Variants in ADAMTS19 observed in about 807,000 individuals in gnomAD.
ADAMTS19 encodes the protein A disintegrin and metalloproteinase with thrombospondin motifs 19.
ADAMTS19 carries 93 observed loss-of-function variants against 153.3 expected under a neutral mutation model. The ratio of observed to expected loss-of-function variants is 0.61; its 90% CI spans 0.51 to 0.72. ADAMTS19 has a LOEUF of 0.72. Ranked by LOEUF, ADAMTS19 falls within the 30% of genes least tolerant of loss-of-function variation. The pLI is 0.00. For synonymous variants in ADAMTS19, 600 were observed against 556.6 expected, an observed-to-expected ratio of 1.08 and a Z score of -1.10; for missense variants, 1,482 against 1,552.1, an observed-to-expected ratio of 0.95 and a Z score of 0.76.
At chr5:129,547,491 A>T (rs920028304) in intron 6 of ADAMTS19, among the ~76,000 whole-genome samples, 1 of 150,682 alleles carries the variant, frequency 6.6e-6, no homozygotes, top group African/African-American at 2.5e-5. Context: ...AGTAAAAGGA[A>T]TCATACATCA....
At chr5:129,543,131 C>G (rs1228856826) in intron 6 of ADAMTS19, among the ~76,000 whole-genome samples, 5 of 151,166 alleles carry the variant, frequency 3.3e-5, no homozygotes, top group Admixed American at 3.3e-4. Context: ...CTCACCACAA[C>G]CTCCGCCTCC....
intron 11 of ADAMTS19, among the ~76,000 whole-genome samples, chr5:129,644,002 A>G (rs1752943545): frequency 7.4e-6 from 1 of 134,456 alleles, no homozygotes; most frequent in Admixed American, 7.5e-5. Context: ...TAGCAATATA[A>G]AAATATCTTT....
chr5:129,550,001 GATATAC>G (rs1753024269), intron 6 of ADAMTS19, among the ~76,000 whole-genome samples: 2 of 123,162 alleles, frequency 1.6e-5, no homozygotes, highest in Non-Finnish European at 3.5e-5. Context: ...TATGTATCTA[GATATAC>G]ATATACATGT....
At chr5:129,593,438 A>G (rs1750237280) in intron 7 of ADAMTS19, among the ~76,000 whole-genome samples, 1 of 152,194 alleles carries the variant, frequency 6.6e-6, no homozygotes, top group Non-Finnish European at 1.5e-5. Context: ...ATGTCTCAGA[A>G]CTTTCTCTCT....
Position 129,735,019 on chromosome 5 carries a change from T to A in ADAMTS19, c.3400T>A (p.Ser1134Thr). 1.2e-6 allele frequency: 2 copies of A among 1,612,314 alleles called. No homozygotes were observed. The highest frequency in any genetic ancestry group is 8.5e-7 in the Non-Finnish European group (1 of 1,178,974). Residue 1134 changes from serine (S) to threonine (T), a missense_variant, in exon 22 of 23, where the codon TCC (serine) becomes ACC (threonine). Transcript: ENST00000274487. Reference protein sequence around the residue: ...ITGRHGNECFSSEKPAAYRPC... With the variant: ...ITGRHGNECFTSEKPAAYRPC... ...AGGAAGACATGGAAATGAATGTTTT[T>A]CCTCAGAAAAACCTGCAGCATACAG...
intron 10 of ADAMTS19, among the ~76,000 whole-genome samples, chr5:129,632,014 T>C (rs558172036): frequency 6.4e-4 from 98 of 152,170 alleles, no homozygotes; most frequent in African/African-American, 2.3e-3. Flanking sequence ...AGAGGCCTGA[T>C]CTGGGTCTAG....
Position 129,526,272 on chromosome 5 carries a change from T to A in ADAMTS19, c.914-12T>A. The A allele has an allele frequency of 6.5e-7, 1 of 1,545,712 alleles. No homozygotes were observed. The highest frequency in any genetic ancestry group is 1.4e-5 in the African/African-American group (1 of 70,614). On this transcript the variant is annotated splice_polypyrimidine_tract_variant and intron_variant, in intron 3 of 22. Transcript: ENST00000274487. ...ATGAAGGTGCATTGAAAAATTCAAT[T>A]CTCTGTTGCAGATAAAGGAAGACCT...
chr5:129,660,661 T>C (rs1753780615), intron 15 of ADAMTS19, among the ~76,000 whole-genome samples: 1 of 152,140 alleles, frequency 6.6e-6, no homozygotes, highest in Non-Finnish European at 1.5e-5. Flanking sequence ...TTCAAATCCC[T>C]TTTTTATTCC....
At chr5:129,666,723 T>C (rs1354175230) in intron 16 of ADAMTS19, among the ~76,000 whole-genome samples, 2 of 152,186 alleles carry the variant, frequency 1.3e-5, no homozygotes, top group Non-Finnish European at 2.9e-5. Flanking sequence ...ATGGTACAAA[T>C]AGATCATACA....
intron 11 of ADAMTS19, among the ~76,000 whole-genome samples, 170 bp from the exon 12 acceptor site, chr5:129,647,595 T>C (rs1581183228): frequency 6.6e-6 from 1 of 152,204 alleles, no homozygotes; most frequent in Non-Finnish European, 1.5e-5. Flanking sequence ...TGGGCAATTA[T>C]ATTACTATGA....
At chr5:129,533,584 C>A (rs1487098896) in intron 6 of ADAMTS19, among the ~76,000 whole-genome samples, 2 of 152,086 alleles carry the variant, frequency 1.3e-5, no homozygotes, top group Non-Finnish European at 2.9e-5. Context: ...TTTTTTGAGT[C>A]TCTATTTCCT....
chr5:129,610,093 TTA>T (rs10618467), intron 8 of ADAMTS19, among the ~76,000 whole-genome samples: 12,789 of 150,098 alleles, frequency 0.085, 1,783 homozygotes, highest in African/African-American at 0.29. Context: ...GGTAGTGGTA[TTA>T]TATATATATA....
At chr5:129,601,306 T>G (rs1750638659) in intron 8 of ADAMTS19, among the ~76,000 whole-genome samples, 1 of 152,218 alleles carries the variant, frequency 6.6e-6, no homozygotes, top group South Asian at 2.1e-4. Context: ...AACTTTATTT[T>G]TGTGAATGAA....
In ADAMTS19 at chr5:129,637,235, T is replaced by C. The variant is rs183718821; in HGVS notation, c.1771-4624T>C. Among the ~76,000 whole-genome samples, 45 of 152,326 alleles carry C rather than the reference T, an allele frequency of 3.0e-4. 1 individual carries two copies. The East Asian group carries it at 7.3e-3, about 25-fold the overall frequency. ...CTAAGATTTTTAAGTGAATGTTAAA[T>C]TGCATCACATATTTTGTATCCACAG... On this transcript the variant is annotated intron_variant, in intron 10 of 22. Transcript: ENST00000274487.
Position 129,461,753 on chromosome 5 carries a change from G to T in ADAMTS19, c.743G>T (p.Gly248Val). Reference sequence around the variant, plus strand: ...GCTTCTTTCAGCACCTGTGGAGGTGGCCTGGTAAGCGCCTTCTTTCCCTAG... The same window carrying T: ...GCTTCTTTCAGCACCTGTGGAGGTGTCCTGGTAAGCGCCTTCTTTCCCTAG... The part of the protein sequence containing the change: ...SLASFSTCGG[G>V]LMGFIQLNED... Residue 248 changes from glycine to valine, a missense_variant, in exon 2 of 23, where the codon GGC becomes GTC. Coordinates refer to ENST00000274487, the MANE Select transcript of ADAMTS19 (RefSeq NM_133638.6). This position sits in a 1 kb window ranked among gnomAD's most constrained non-coding sequence, Gnocchi z 4.6. 6.7e-7 allele frequency: 1 copy of T among 1,490,484 alleles called. No homozygotes were observed. Among genetic ancestry groups the T allele is most frequent in the Non-Finnish European group, 8.9e-7 (1 of 1,127,476 alleles). 92.3% of individuals were successfully genotyped at this position (1,490,484 alleles called of 1,614,324 possible). A position where few individuals can be genotyped will look rare whatever the true frequency, so the allele number is the denominator to read the frequency against.
chr5:129,717,674 A>G (rs1394662493), intron 21 of ADAMTS19, among the ~76,000 whole-genome samples: 2 of 152,232 alleles, frequency 1.3e-5, no homozygotes, highest in African/African-American at 2.4e-5. Flanking sequence ...TTAGATAGCC[A>G]TTATCTACCT....
At chr5:129,533,128 A>G (rs530174509) in intron 6 of ADAMTS19, among the ~76,000 whole-genome samples, 7 of 152,270 alleles carry the variant, frequency 4.6e-5, no homozygotes, top group African/African-American at 1.7e-4. Context: ...ACTGAGTGAA[A>G]AAGCCAAATT....
chr5:129,688,481 C>G (rs1427692082), intron 18 of ADAMTS19, among the ~76,000 whole-genome samples: 1 of 152,038 alleles, frequency 6.6e-6, no homozygotes, highest in East Asian at 1.9e-4. Flanking sequence ...TTATATTTTA[C>G]ATCAGCATCT....
intron 2 of ADAMTS19, among the ~76,000 whole-genome samples, chr5:129,496,828 G>T (rs1426750566): frequency 1.3e-5 from 2 of 151,996 alleles, no homozygotes; most frequent in Non-Finnish European, 2.9e-5. Flanking sequence ...TGCTAGGGTG[G>T]GTGGCGATTT....
Sources: allele counts gnomAD v4.1 joint callset (sites outside exome capture counted in the v4.1 genomes callset), GRCh38; gene constraint gnomAD v4.1.1; non-coding constraint Gnocchi (gnomAD v3.1); transcripts MANE v1.5; gene names NCBI Gene and HGNC (gene_info 2026-07-23, HGNC 2026-07-21).